DHRSX: variants seen among roughly 807,000 people sequenced by gnomAD.
DHRSX encodes the protein polyprenol dehydrogenase.
DHRSX carries 31 observed loss-of-function variants against 34.0 expected under a neutral mutation model. That is an observed-to-expected ratio of 0.91 (90% confidence interval 0.69 to 1.23). The LOEUF is 1.23. DHRSX is among the 50% of genes most tolerant of loss of function. DHRSX has a pLI of 0.00. For missense variants in DHRSX, 414 were observed against 428.1 expected, an observed-to-expected ratio of 0.97 and a Z score of 0.29; for synonymous variants, 201 against 183.8, an observed-to-expected ratio of 1.09 and a Z score of -0.76.
intron 6 of DHRSX, among the ~76,000 whole-genome samples, chrX:2,230,835 C>G (rs1248252940): frequency 1.3e-5 from 2 of 152,132 alleles, no homozygotes; most frequent in Non-Finnish European, 2.9e-5. Context: ...TTTGGACTTG[C>G]CCGCCCCTAC....
intron 3 of DHRSX, among the ~76,000 whole-genome samples, chrX:2,390,001 G>A (rs986506242): frequency 6.6e-6 from 1 of 151,824 alleles, no homozygotes; most frequent in Non-Finnish European, 1.5e-5. Flanking sequence ...CGGTGGTCTC[G>A]AACTCCCGAC....
rs980599849 is a variant in DHRSX, at chrX:2,271,750, GA to G, written c.389-4804del. 4.6e-5 allele frequency among the ~76,000 whole-genome samples: 7 copies of G among 152,030 alleles called. No homozygotes were observed. The East Asian group carries it at 1.2e-3, about 25-fold the overall frequency. On this transcript the variant is annotated intron_variant, in intron 4 of 6. Coordinates refer to ENST00000334651, the MANE Select transcript of DHRSX (RefSeq NM_145177.3). ...CAGAATTCACCTCAGGAGTTATCCA[GA>G]AAAAAAGCCCGGCCCGGTGGGTCAT...
At chrX:2,347,436 G>A (rs1217543466) in intron 3 of DHRSX, among the ~76,000 whole-genome samples, 3 of 152,234 alleles carry the variant, frequency 2.0e-5, no homozygotes. Context: ...GCTCACGCCT[G>A]TAATCCCAGC....
At chrX:2,469,755 C>T (rs2044560714) in intron 1 of DHRSX, among the ~76,000 whole-genome samples, 1 of 151,388 alleles carries the variant, frequency 6.6e-6, no homozygotes, top group Non-Finnish European at 1.5e-5. Context: ...GGACCGACAC[C>T]ATGTACACAC....
intron 1 of DHRSX, among the ~76,000 whole-genome samples, chrX:2,479,199 G>A (rs1282224002): frequency 2.7e-5 from 4 of 150,482 alleles, no homozygotes; most frequent in African/African-American, 9.8e-5. Context: ...TGGCCCAAGG[G>A]ACTCCCACCC....
intron 1 of DHRSX, chrX:2,488,838 C>T (rs761608620): frequency 2.7e-5 from 43 of 1,613,636 alleles, no homozygotes; most frequent in South Asian, 4.4e-5. Flanking sequence ...GCGCTGACCA[C>T]GTTGGCGGCG....
intron 4 of DHRSX, among the ~76,000 whole-genome samples, chrX:2,289,446 G>C (rs532976011): frequency 1.8e-4 from 28 of 152,056 alleles, no homozygotes; most frequent in African/African-American, 5.3e-4. Context: ...CTGCTTACTG[G>C]TGGATGCAAG....
At position 2,371,567 on chromosome X, in the gene DHRSX, T is replaced by G. The variant is rs868563522; in HGVS notation, c.286+37178A>C. On this transcript the variant is annotated intron_variant, in intron 3 of 6. Coordinates refer to ENST00000334651, the MANE Select transcript of DHRSX (RefSeq NM_145177.3). ...TCCTTCTGTTACCATAGTCCCTCCT[T>G]CCATTACCATAGTACCTCCTCCCAT... Among the ~76,000 whole-genome samples the G allele has an allele frequency of 6.1e-5, 8 of 130,604 alleles. 1 individual carries two copies. The highest frequency in any genetic ancestry group is 1.1e-4 in the African/African-American group (4 of 37,824). 85.7% of individuals were successfully genotyped at this position (130,604 alleles called of 152,430 possible). A position where few individuals can be genotyped will look rare whatever the true frequency, so the allele number is the denominator to read the frequency against.
At chrX:2,356,798 C>A (rs936887254) in intron 3 of DHRSX, among the ~76,000 whole-genome samples, 1 of 152,112 alleles carries the variant, frequency 6.6e-6, no homozygotes, top group African/African-American at 2.4e-5. Flanking sequence ...CTCTTGGTAA[C>A]GTTTTCTTTT....
chrX:2,409,739 T>C (rs2043602873), intron 2 of DHRSX, among the ~76,000 whole-genome samples: 1 of 151,362 alleles, frequency 6.6e-6, no homozygotes, highest in South Asian at 2.1e-4. Flanking sequence ...TTTGTTTTGT[T>C]TTTTTTTTGA....
rs1299416428 is a variant in DHRSX, at chrX:2,221,576, TG to T, written c.805-348del. Among the ~76,000 whole-genome samples the T allele has an allele frequency of 9.9e-5, 15 of 152,126 alleles. 1 individual carries two copies. The highest frequency in any genetic ancestry group is 1.2e-4 in the Non-Finnish European group (8 of 68,024). On this transcript the variant is annotated intron_variant, in intron 6 of 6. Transcript: ENST00000334651. The stretch of plus-strand genomic sequence containing the variant: ...TATTAATTGACTAGAAGCAGATGAG[TG>T]AGTGCTTGGCTTCTGTATTTAATAA...
chrX:2,490,543 G>A, intron 1 of DHRSX: 1 of 1,613,986 alleles, frequency 6.2e-7, no homozygotes, highest in Non-Finnish European at 8.5e-7. Flanking sequence ...GGTTGGAGGT[G>A]TTTCCGGAGT....
At chrX:2,361,431 G>C (rs746452335) in intron 3 of DHRSX, among the ~76,000 whole-genome samples, 2 of 152,202 alleles carry the variant, frequency 1.3e-5, no homozygotes, top group Admixed American at 1.3e-4. Context: ...AATGTTATCA[G>C]TAATGCTATA....
chrX:2,331,436 GTTTTTTTTTTTTTT>G (rs1159991841), intron 3 of DHRSX, among the ~76,000 whole-genome samples: 7 of 94,658 alleles, frequency 7.4e-5, no homozygotes, highest in Admixed American at 4.2e-4. Context: ...AGGTTTTTTG[GTTTTTTTTTTTTTT>G]TTTTTTTTTT....
chrX:2,491,728 T>C (rs1485056418), intron 1 of DHRSX, among the ~76,000 whole-genome samples: 3 of 152,218 alleles, frequency 2.0e-5, no homozygotes, highest in Non-Finnish European at 4.4e-5. Flanking sequence ...AGCATGGATT[T>C]CTCAATCCCT....
intron 1 of DHRSX, among the ~76,000 whole-genome samples, chrX:2,484,641 C>A (rs2044833722): frequency 6.6e-6 from 1 of 152,146 alleles, no homozygotes; most frequent in South Asian, 2.1e-4. Flanking sequence ...GTTCACCAGG[C>A]AGGGGCATGG....
intron 3 of DHRSX, among the ~76,000 whole-genome samples, chrX:2,318,133 C>A (rs2042262190): frequency 6.7e-6 from 1 of 148,656 alleles, no homozygotes; most frequent in Non-Finnish European, 1.5e-5. Flanking sequence ...TTGCTTGAGC[C>A]TAGCAGTTCG....
intron 5 of DHRSX, among the ~76,000 whole-genome samples, chrX:2,249,215 C>CAA (rs2016375219): frequency 1.9e-5 from 2 of 106,944 alleles, no homozygotes; most frequent in South Asian, 2.9e-4. Context: ...TTTTTTGAGA[C>CAA]AGAGTCTTGT....
intron 2 of DHRSX, among the ~76,000 whole-genome samples, chrX:2,414,047 T>C (rs1314528725): frequency 6.6e-6 from 1 of 151,644 alleles, no homozygotes; most frequent in African/African-American, 2.4e-5. Flanking sequence ...CATCATGACC[T>C]AATACAACTA....
Sources: gnomAD v4.1 joint callset for allele counts (sites outside exome capture counted in the v4.1 genomes callset) on GRCh38, gnomAD v4.1.1 for gene constraint, MANE v1.5 for transcripts, NCBI Gene and HGNC (gene_info 2026-07-23, HGNC 2026-07-21) for gene names.